CISTR: variants seen among roughly 807,000 people sequenced by gnomAD.
The protein encoded by CISTR is chondrogenesis-associated transcript.
rs55769002 is a variant in CISTR, at chr12:53,753,665, GGTGTGTGTGTGTGTGT to G, written n.415-2716_415-2701del. Among the ~76,000 whole-genome samples, 718 of 141,314 alleles carry G rather than the reference GGTGTGTGTGTGTGTGT, an allele frequency of 5.1e-3. 7 individuals are homozygous for G. The highest frequency in any genetic ancestry group is 0.018 in the African/African-American group (679 of 37,516). 92.7% of individuals were successfully genotyped at this position (141,314 alleles called of 152,430 possible). On this transcript the variant is annotated intron_variant and non_coding_transcript_variant, in intron 1 of 2. Transcript: ENST00000669269. ...GGCAGATGGGGAAGGAATGCATAGG[GGTGTGTGTGTGTGTGT>G]GTGTGTGTGTGTGTGTGTGTGTATG... is the stretch of plus-strand genomic sequence containing the variant.
chr12:53,753,368 G>A (rs1937879845), intron 1 of CISTR, among the ~76,000 whole-genome samples: 1 of 152,144 alleles, frequency 6.6e-6, no homozygotes, highest in Admixed American at 6.6e-5. Context: ...TGGAGCTCTG[G>A]GCATGCCCTC....
chr12:53,754,757 T>C (rs1937896987), intron 1 of CISTR, among the ~76,000 whole-genome samples: 1 of 152,190 alleles, frequency 6.6e-6, no homozygotes, highest in African/African-American at 2.4e-5. Flanking sequence ...CTCTCCAGCC[T>C]CTCAACCTGG....
Position 53,756,997 on chromosome 12 carries a change from T to A in CISTR, n.231A>T, listed in dbSNP as rs1937922196. ...GAAACTATTAGCCCAACATCTCTTC[T>A]TCCCCTCTCCACAGTCAGAGGTGGA... is the stretch of plus-strand genomic sequence containing the variant. On this transcript the variant is annotated non_coding_transcript_exon_variant, in exon 1 of 3. Transcript: ENST00000669269. This position sits in a 1 kb window ranked among gnomAD's most constrained non-coding sequence, Gnocchi z 4.0. 1 of 150,386 alleles carries A rather than the reference T, an allele frequency of 6.6e-6. No homozygotes were observed. The highest frequency in any genetic ancestry group is 1.5e-5 in the Non-Finnish European group (1 of 67,878). 9.3% of individuals were successfully genotyped at this position (150,386 alleles called of 1,614,324 possible).
intron 1 of CISTR, among the ~76,000 whole-genome samples, chr12:53,753,665 G>T (rs1050870450): frequency 5.7e-5 from 8 of 141,224 alleles, no homozygotes; most frequent in South Asian, 2.3e-4. Context: ...AATGCATAGG[G>T]GTGTGTGTGT....
At chr12:53,747,164 A>T (rs1937792226) in intron 2 of CISTR, among the ~76,000 whole-genome samples, 1 of 152,174 alleles carries the variant, frequency 6.6e-6, no homozygotes, top group East Asian at 1.9e-4. Context: ...GAGAAAATGG[A>T]TCTGGAGCAG....
At chr12:53,754,534 CTTTAT>C (rs1937895057) in intron 1 of CISTR, 2 of 152,306 alleles carry the variant, frequency 1.3e-5, no homozygotes, top group African/African-American at 4.8e-5. Flanking sequence ...CTCTCTGTGT[CTTTAT>C]TTTATTATCT....
intron 1 of CISTR, among the ~76,000 whole-genome samples, chr12:53,755,046 A>G (rs926546698): frequency 6.6e-6 from 1 of 152,204 alleles, no homozygotes; most frequent in South Asian, 2.1e-4. Flanking sequence ...AAGATAAAAC[A>G]GGAGAGGGAG....
rs1169743501 is a variant in CISTR, at chr12:53,753,687, T to C, written n.415-2722A>G. Among the ~76,000 whole-genome samples, 4 of 150,144 alleles carry C rather than the reference T, an allele frequency of 2.7e-5. No individual in the cohort carries two copies. In the East Asian group the frequency reaches 5.8e-4, roughly 22 times the overall value. ...AGGGGTGTGTGTGTGTGTGTGTGTG[T>C]GTGTGTGTGTGTGTGTATGTGTGTG... On this transcript the variant is annotated intron_variant and non_coding_transcript_variant, in intron 1 of 2. Transcript: ENST00000669269.
At chr12:53,755,512 C>A (rs1468652087) in intron 1 of CISTR, among the ~76,000 whole-genome samples, 5 of 152,108 alleles carry the variant, frequency 3.3e-5, no homozygotes, top group African/African-American at 1.2e-4. Context: ...GGCTCAATGT[C>A]TTTTGTAAAA....
chr12:53,754,124 A>C (rs913499935), intron 1 of CISTR, among the ~76,000 whole-genome samples: 1 of 152,098 alleles, frequency 6.6e-6, no homozygotes, highest in Non-Finnish European at 1.5e-5. Flanking sequence ...GGGATGGATA[A>C]TGGGAAGATG....
At chr12:53,747,179 G>A (rs1244181607) in intron 2 of CISTR, among the ~76,000 whole-genome samples, 1 of 152,210 alleles carries the variant, frequency 6.6e-6, no homozygotes, top group Non-Finnish European at 1.5e-5. Flanking sequence ...GAGCAGACCA[G>A]GCATTGTGCT....
chr12:53,754,763 C>G (rs1937897025), intron 1 of CISTR, among the ~76,000 whole-genome samples: 1 of 152,190 alleles, frequency 6.6e-6, no homozygotes, highest in South Asian at 2.1e-4. Context: ...AGCCTCTCAA[C>G]CTGGCATTTA....
At chr12:53,752,699 A>G (rs1256144932) in intron 1 of CISTR, among the ~76,000 whole-genome samples, 1 of 152,208 alleles carries the variant, frequency 6.6e-6, no homozygotes, top group Non-Finnish European at 1.5e-5. Flanking sequence ...CCAAAATTGA[A>G]TATCAGAAAT....
At chr12:53,750,245 G>C (rs1937831447) in intron 2 of CISTR, among the ~76,000 whole-genome samples, 1 of 152,192 alleles carries the variant, frequency 6.6e-6, no homozygotes, top group South Asian at 2.1e-4. Flanking sequence ...TGCTAGGAGT[G>C]GGGGAGTTAG....
intron 2 of CISTR, among the ~76,000 whole-genome samples, chr12:53,749,583 A>G (rs1368784977): frequency 1.3e-5 from 2 of 151,830 alleles, no homozygotes; most frequent in African/African-American, 4.8e-5. Context: ...ATTTTCTTTA[A>G]GTACAAAGAA....
rs974826907 is a variant in CISTR, at chr12:53,751,763, C to G, written n.415-798G>C. The G allele has an allele frequency of 6.6e-6, 1 of 152,446 alleles. No homozygotes were observed. The highest frequency in any genetic ancestry group is 1.5e-5 in the Non-Finnish European group (1 of 68,208). 9.4% of individuals were successfully genotyped at this position (152,446 alleles called of 1,614,324 possible). A position where few individuals can be genotyped will look rare whatever the true frequency, so the allele number is the denominator to read the frequency against. ...GGCCGCGGCTTCCGCATTTCTGCAC[C>G]ATCCACCTGCCTTTTTCAGTGTCCT... On this transcript the variant is annotated intron_variant and non_coding_transcript_variant, in intron 1 of 2. Coordinates refer to ENST00000669269, the Ensembl canonical transcript of CISTR. The surrounding 1 kb of genome is among the most constrained non-coding windows in gnomAD (Gnocchi z 4.6).
intron 2 of CISTR, among the ~76,000 whole-genome samples, chr12:53,746,906 C>T (rs1937788555): frequency 6.6e-6 from 1 of 152,226 alleles, no homozygotes. Context: ...CGCAGCTTTC[C>T]CCCAACAGTT....
At position 53,756,550 on chromosome 12, in the gene CISTR, A is replaced by T. The variant is rs1485513539; in HGVS notation, n.414+264T>A. ...TGGGATCACAGACGTGAGCCACTGC[A>T]CTTGGCCTCTTTCAGGTTTCAGATG... On this transcript the variant is annotated intron_variant and non_coding_transcript_variant, in intron 1 of 2. Transcript: ENST00000669269. This position sits in a 1 kb window ranked among gnomAD's most constrained non-coding sequence, Gnocchi z 4.0. 2.0e-5 allele frequency among the ~76,000 whole-genome samples: 3 copies of T among 152,166 alleles called. No individual in the cohort carries two copies. Among genetic ancestry groups the T allele is most frequent in the Non-Finnish European group, 4.4e-5 (3 of 68,032 alleles).
intron 2 of CISTR, among the ~76,000 whole-genome samples, chr12:53,749,529 C>T (rs1378988113): frequency 1.5e-5 from 2 of 136,544 alleles, no homozygotes; most frequent in African/African-American, 5.9e-5. Context: ...GGGAGGCAAT[C>T]AATGAGTTTT....
Sources: allele counts gnomAD v4.1 joint callset (sites outside exome capture counted in the v4.1 genomes callset), GRCh38; gene constraint gnomAD v4.1.1; non-coding constraint Gnocchi (gnomAD v3.1); transcripts MANE v1.5; gene names NCBI Gene and HGNC (gene_info 2026-07-23, HGNC 2026-07-21).